DPP10: variants seen among roughly 807,000 people sequenced by gnomAD.
The protein encoded by DPP10 is dipeptidyl peptidase like 10.
DPP10 carries 33 observed loss-of-function variants against 120.9 expected under a neutral mutation model. The observed-to-expected ratio is 0.27, with a 90% CI of 0.21 to 0.37. The LOEUF is 0.37. DPP10 is among the 10% of genes least tolerant of loss of function. DPP10 has a pLI of 1.00. For missense variants in DPP10, 816 were observed against 942.8 expected, an observed-to-expected ratio of 0.87 and a Z score of 1.76; for synonymous variants, 337 against 326.1, an observed-to-expected ratio of 1.03 and a Z score of -0.36.
chr2:115,809,992 T>A (rs1686447985), intron 19 of DPP10, among the ~76,000 whole-genome samples: 1 of 152,026 alleles, frequency 6.6e-6, no homozygotes, highest in African/African-American at 2.4e-5. Context: ...TGAAACCTCA[T>A]CTCTACTAAA....
At chr2:115,429,738 C>CCTT (rs2070801100) in intron 3 of DPP10, among the ~76,000 whole-genome samples, 1 of 151,592 alleles carries the variant, frequency 6.6e-6, no homozygotes. Context: ...ATAAACTTCT[C>CCTT]AGAAGAGGCA....
chr2:115,334,179 A>G (rs955665002), intron 2 of DPP10, among the ~76,000 whole-genome samples: 3 of 146,068 alleles, frequency 2.1e-5, no homozygotes, highest in African/African-American at 7.5e-5. Context: ...AGCAACTCCA[A>G]AAGTAATTCT....
intron 7 of DPP10, among the ~76,000 whole-genome samples, chr2:115,718,095 G>GCTT (rs2092549985): frequency 6.6e-6 from 1 of 151,980 alleles, no homozygotes; most frequent in Admixed American, 6.6e-5. Context: ...CTTATTTTCA[G>GCTT]CGTAACTGGA....
intron 4 of DPP10, among the ~76,000 whole-genome samples, chr2:115,502,700 T>C (rs777546784): frequency 5.3e-5 from 8 of 152,112 alleles, no homozygotes; most frequent in Non-Finnish European, 1.0e-4. Flanking sequence ...TGTATCTTTT[T>C]TGTTTTTTAA....
intron 3 of DPP10, among the ~76,000 whole-genome samples, chr2:115,492,737 C>A (rs2076190612): frequency 6.6e-6 from 1 of 151,916 alleles, no homozygotes; most frequent in African/African-American, 2.4e-5. Flanking sequence ...CTCAAAGGAA[C>A]AAGAAATAGG....
At chr2:115,241,219 A>T (rs1289511374) in intron 1 of DPP10, among the ~76,000 whole-genome samples, 1 of 152,210 alleles carries the variant, frequency 6.6e-6, no homozygotes, top group East Asian at 1.9e-4. Context: ...CAGTGAGCTG[A>T]GATCGTGCTA....
intron 1 of DPP10, among the ~76,000 whole-genome samples, chr2:114,666,401 GTAT>G (rs1226976307): frequency 6.6e-6 from 1 of 152,122 alleles, no homozygotes; most frequent in Non-Finnish European, 1.5e-5. Context: ...TGAAAATGTA[GTAT>G]TATCTCCTTT....
intron 1 of DPP10, among the ~76,000 whole-genome samples, chr2:114,577,817 G>A (rs1293801851): frequency 1.3e-5 from 2 of 152,118 alleles, no homozygotes; most frequent in African/African-American, 2.4e-5. Flanking sequence ...TTTGGAAGAA[G>A]CATCACCCTG....
intron 5 of DPP10, among the ~76,000 whole-genome samples, chr2:115,539,490 T>C (rs1417091874): frequency 6.6e-6 from 1 of 151,916 alleles, no homozygotes; most frequent in Non-Finnish European, 1.5e-5. Flanking sequence ...ATCACAGGCA[T>C]TGTGCAAGGA....
chr2:115,415,546 G>A (rs894504233), intron 3 of DPP10, among the ~76,000 whole-genome samples: 11 of 152,082 alleles, frequency 7.2e-5, no homozygotes, highest in African/African-American at 2.4e-4. Flanking sequence ...AATGCCAAAA[G>A]TTGGATACGG....
chr2:115,028,534 T>C (rs77732501), intron 1 of DPP10, among the ~76,000 whole-genome samples: 3,568 of 152,186 alleles, frequency 0.023, 138 homozygotes, highest in African/African-American at 0.082. Context: ...GAATGTTCCA[T>C]GTACTTATGA....
chr2:114,597,678 TACAATG>T (rs1350867291), intron 1 of DPP10, among the ~76,000 whole-genome samples: 1 of 152,010 alleles, frequency 6.6e-6, no homozygotes, highest in Non-Finnish European at 1.5e-5. Context: ...TCCTTCCTAC[TACAATG>T]TCAATTCTCC....
rs927478900 is a variant in DPP10 at position 115,609,777 on chromosome 2, A to G, written c.442-79910A>G. On this transcript the variant is annotated intron_variant, in intron 5 of 25. Transcript: ENST00000410059. ...TTGTATCAAGTAAAACAATGTAATTAATGGCTCAGCTGTGAATAATATTTA... is the reference window on the plus strand; with the variant it reads ...TTGTATCAAGTAAAACAATGTAATTGATGGCTCAGCTGTGAATAATATTTA... 3.3e-5 allele frequency among the ~76,000 whole-genome samples: 5 copies of G among 152,254 alleles called. No homozygotes were observed. The East Asian group carries it at 9.7e-4, about 29-fold the overall frequency.
intron 1 of DPP10, among the ~76,000 whole-genome samples, chr2:114,993,297 G>A (rs939340392): frequency 6.6e-6 from 1 of 151,818 alleles, no homozygotes; most frequent in African/African-American, 2.4e-5. Context: ...TCCTAAAAGT[G>A]GGGCTGTGAC....
rs35609044 is a variant in DPP10, at chr2:114,579,824, C to CTTT, written c.60+136992_60+136994dup. The stretch of plus-strand genomic sequence containing the variant: ...CATCTAATCACCATCATAAAAATGC[C>CTTT]TTTTTTTTACCTCCAGCTTTATAGA... On this transcript the variant is annotated intron_variant, in intron 1 of 25. Transcript: ENST00000410059. 3.0e-4 allele frequency among the ~76,000 whole-genome samples: 45 copies of CTTT among 151,896 alleles called. 2 individuals are homozygous for CTTT. The highest frequency in any genetic ancestry group is 5.8e-4 in the East Asian group (3 of 5,168).
chr2:115,625,323 T>C (rs1280193991), intron 5 of DPP10, among the ~76,000 whole-genome samples: 1 of 152,132 alleles, frequency 6.6e-6, no homozygotes. Context: ...ATTACTGTAA[T>C]TGCAAAATAA....
At chr2:114,998,143 A>C (rs1451480811) in intron 1 of DPP10, among the ~76,000 whole-genome samples, 2 of 152,166 alleles carry the variant, frequency 1.3e-5, no homozygotes, top group Admixed American at 1.3e-4. Flanking sequence ...CAGCAAAAAA[A>C]TGTGACATGG....
chr2:114,795,327 T>TAA (rs5833560), intron 1 of DPP10, among the ~76,000 whole-genome samples: 5 of 147,542 alleles, frequency 3.4e-5, no homozygotes, highest in Non-Finnish European at 7.5e-5. Context: ...TACTAAAAAT[T>TAA]AAAAAAAAAA....
At chr2:114,645,806 C>T (rs1696075404) in intron 1 of DPP10, among the ~76,000 whole-genome samples, 1 of 152,114 alleles carries the variant, frequency 6.6e-6, no homozygotes, top group Admixed American at 6.6e-5. Flanking sequence ...TGTATGGCAC[C>T]TGGGAACAAA....
Sources: gnomAD v4.1 joint callset for allele counts (sites outside exome capture counted in the v4.1 genomes callset) on GRCh38, gnomAD v4.1.1 for gene constraint, MANE v1.5 for transcripts, NCBI Gene and HGNC (gene_info 2026-07-23, HGNC 2026-07-21) for gene names.